Variants in YME1L1 observed in about 807,000 individuals in gnomAD.
The protein encoded by YME1L1 is ATP-dependent zinc metalloprotease YME1L1.
Under a neutral mutation model 90.4 loss-of-function variants are expected in YME1L1, and 39 were observed. The observed-to-expected ratio is 0.43, with a 90% CI of 0.33 to 0.56. The LOEUF (loss-of-function observed/expected upper bound fraction) is 0.56. Ranked by LOEUF, YME1L1 falls within the 20% of genes least tolerant of loss-of-function variation. The pLI is 0.03. For synonymous variants in YME1L1, 284 were observed against 287.3 expected (o/e 0.99, Z 0.12); for missense variants, 617 against 868.4 (o/e 0.71, Z 3.64).
At chr10:27,147,292 G>A in intron 2 of YME1L1, 5 of 830,608 alleles carry the variant, frequency 6.0e-6, no homozygotes, top group East Asian at 5.3e-5. Context: ...CCAGGAGTTC[G>A]AGATCAGCCT....
chr10:27,127,487 C>T (rs2056932698), intron 8 of YME1L1, among the ~76,000 whole-genome samples: 1 of 151,832 alleles, frequency 6.6e-6, no homozygotes, highest in South Asian at 2.1e-4. Flanking sequence ...AAATGTCCAC[C>T]CTAAAGTAGT....
Position 27,134,068 on chromosome 10 carries a change from T to A in YME1L1, c.746A>T (p.Tyr249Phe). Residue 249 changes from tyrosine to phenylalanine, a missense_variant, in exon 7 of 19, where the codon TAT becomes TTT. Tyr to Phe is a conservative substitution (Grantham distance 22). This residue lies in a region of YME1L1 where 311 missense variants were observed against 335.8 expected (regional missense o/e 0.93). Coordinates refer to ENST00000376016, the MANE Select transcript of YME1L1 (RefSeq NM_014263.4). The stretch of plus-strand genomic sequence containing the variant: ...TAAAAATGGGTTTTTTAGAAGTCCA[T>A]AAATGCCGAATAGCAGCAGAACGAA... ...ILFVLLLFGI[Y>F]GLLKNPFLSV... 6.2e-7 allele frequency: 1 copy of A among 1,613,776 alleles called. No individual in the cohort carries two copies.
intron 8 of YME1L1, among the ~76,000 whole-genome samples, chr10:27,127,428 T>A (rs2056931932): frequency 6.6e-6 from 1 of 152,160 alleles, no homozygotes; most frequent in South Asian, 2.1e-4. Context: ...ACCAAGAGAC[T>A]TGTATAAAAA....
intron 2 of YME1L1, chr10:27,147,271 A>G (rs534580215): frequency 1.5e-6 from 1 of 685,276 alleles, no homozygotes; most frequent in South Asian, 1.9e-5. Flanking sequence ...AGGTGGGAGG[A>G]CTGCTTCAGG....
intron 4 of YME1L1, among the ~76,000 whole-genome samples, chr10:27,137,645 G>A (rs1459689660): frequency 2.6e-5 from 4 of 152,088 alleles, no homozygotes; most frequent in Non-Finnish European, 5.9e-5. Context: ...AGTCTGACGG[G>A]CAAAAATAAC....
chr10:27,153,333 A>G lies in YME1L1; in HGVS notation c.33+845T>C, dbSNP rs937886948. 8 of 458,988 alleles carry G rather than the reference A, an allele frequency of 1.7e-5. No individual in the cohort carries two copies. In the East Asian group the frequency reaches 4.9e-4, roughly 28 times the overall value. The allele number at this position is 458,988 out of a possible 1,614,324, so 28.4% of individuals were successfully genotyped here. A position where few individuals can be genotyped will look rare whatever the true frequency, so the allele number is the denominator to read the frequency against. On this transcript the variant is annotated intron_variant, in intron 1 of 18. Transcript: ENST00000376016. ...AAATGAGGGGGAGTAAAAGTTACAC[A>G]AAGGAACACAATCATATGCTTAAAT...
intron 1 of YME1L1, among the ~76,000 whole-genome samples, chr10:27,153,770 A>AC (rs1316626630): frequency 1.3e-5 from 2 of 152,204 alleles, no homozygotes; most frequent in African/African-American, 4.8e-5. Flanking sequence ...AGAGCAGGGG[A>AC]TAGGGGCTGT....
At chr10:27,136,243 T>C (rs2057025575) in intron 5 of YME1L1, 33 bp downstream of exon 5, 8 of 1,558,960 alleles carry the variant, frequency 5.1e-6, no homozygotes, top group East Asian at 4.5e-5. Flanking sequence ...CTTGAAAATA[T>C]TTGCTTTTTG....
chr10:27,139,211 T>A (rs924277322), intron 4 of YME1L1, among the ~76,000 whole-genome samples: 9 of 151,906 alleles, frequency 5.9e-5, no homozygotes, highest in African/African-American at 1.5e-4. Flanking sequence ...ATATATATAT[T>A]TTTTAGATAG....
chr10:27,132,076 T>G (rs1190981474), intron 7 of YME1L1, 135 bp from the exon 8 acceptor site: 9 of 635,636 alleles, frequency 1.4e-5, no homozygotes, highest in Admixed American at 9.5e-5. Flanking sequence ...CAAATCAGAG[T>G]GAGGAATAGA....
At chr10:27,122,694 G>A (rs891047388) in intron 11 of YME1L1, 147 bp downstream of exon 11, 5 of 1,042,120 alleles carry the variant, frequency 4.8e-6, no homozygotes, top group African/African-American at 3.3e-5. Flanking sequence ...CTTGCATGAG[G>A]GACTACTCTG....
In YME1L1 at chr10:27,126,790, A is replaced by C; in HGVS notation, c.859-4T>G. 1 of 1,551,008 alleles carries C rather than the reference A, an allele frequency of 6.4e-7. No individual in the cohort carries two copies. The highest frequency in any genetic ancestry group is 8.7e-7 in the Non-Finnish European group (1 of 1,144,340). On this transcript the variant is annotated splice_region_variant and splice_polypyrimidine_tract_variant and intron_variant, in intron 8 of 18. Transcript: ENST00000376016. ...ATTCTTGTTTAGCTTCCTCCACCTA[A>C]AGTGACACAATTTTCCAAATAACTT...
intron 18 of YME1L1, among the ~76,000 whole-genome samples, chr10:27,113,108 T>C (rs1451769705): frequency 6.6e-6 from 1 of 151,162 alleles, no homozygotes; most frequent in African/African-American, 2.4e-5. Flanking sequence ...TAGTCCCAGC[T>C]ACTCAGGAGG....
intron 18 of YME1L1, among the ~76,000 whole-genome samples, chr10:27,112,950 G>A (rs887486685): frequency 1.3e-5 from 2 of 151,974 alleles, no homozygotes; most frequent in South Asian, 4.2e-4. Flanking sequence ...GGCTGGGTGC[G>A]GTGGCTCACA....
chr10:27,152,495 A>G (rs2057231541), intron 1 of YME1L1, among the ~76,000 whole-genome samples: 4 of 152,230 alleles, frequency 2.6e-5, no homozygotes, highest in Admixed American at 2.6e-4. Flanking sequence ...CTCTACCAAC[A>G]TCACATACTA....
chr10:27,132,094 T>A (rs1300897332), intron 7 of YME1L1, among the ~76,000 whole-genome samples, 153 bp from the exon 8 acceptor site: 1 of 147,898 alleles, frequency 6.8e-6, no homozygotes, highest in Admixed American at 6.7e-5. Flanking sequence ...AGAAACTAGG[T>A]CTTCTGGATT....
In YME1L1 at chr10:27,136,352, T is replaced by C; in HGVS notation, c.464A>G (p.Lys155Arg). 1 of 1,613,866 alleles carries C rather than the reference T, an allele frequency of 6.2e-7. No individual in the cohort carries two copies. Residue 155 changes from lysine to arginine, a missense_variant, in exon 5 of 19, where the codon AAA becomes AGA. By Grantham distance (26) the Lys-to-Arg change is conservative (BLOSUM62 2). Transcript: ENST00000376016. The stretch of plus-strand genomic sequence containing the variant: ...AGACTGGAGACGTCGTGTCCTTGAT[T>C]TCAAAGTTTTAAAACCCCGAGACTG... ...FIQSRGFKTL[K>R]SRTRRLQSTS...
chr10:27,128,591 A>C (rs1264493844), intron 8 of YME1L1, among the ~76,000 whole-genome samples: 3 of 151,350 alleles, frequency 2.0e-5, no homozygotes, highest in Middle Eastern at 3.4e-3. Flanking sequence ...CCCACCCCCC[A>C]AAAAAAAGAA....
At chr10:27,123,985 A>G (rs1186610100) in intron 9 of YME1L1, among the ~76,000 whole-genome samples, 1 of 152,224 alleles carries the variant, frequency 6.6e-6, no homozygotes, top group Non-Finnish European at 1.5e-5. Context: ...TTATCACTAA[A>G]TAAGATAAAA....
Sources: gnomAD v4.1 joint callset for allele counts (sites outside exome capture counted in the v4.1 genomes callset) on GRCh38, gnomAD v4.1.1 for gene constraint, gnomAD v4.1.1 regional missense constraint, MANE v1.5 for transcripts, NCBI Gene and HGNC (gene_info 2026-07-23, HGNC 2026-07-21) for gene names.